The following SRBD1 variants were observed in gnomAD, a reference collection of about 807,000 sequenced individuals.
The protein encoded by SRBD1 is S1 RNA-binding domain-containing protein 1.
Under a neutral mutation model 115.3 loss-of-function variants are expected in SRBD1, and 88 were observed. The observed-to-expected ratio is 0.76, with a 90% confidence interval of 0.64 to 0.91. SRBD1 has a LOEUF of 0.91. Among genes scored for constraint, SRBD1 ranks in the 40% least tolerant of loss-of-function variants. The pLI, the probability that SRBD1 is intolerant of heterozygous loss-of-function variation, is 0.00. For missense variants in SRBD1, 1,385 were observed against 1,177.4 expected, an observed-to-expected ratio of 1.18 and a Z score of -2.58; for synonymous variants, 509 against 407.7, an observed-to-expected ratio of 1.25 and a Z score of -2.99.
At chr2:45,524,369 TCA>T (rs995627894) in intron 14 of SRBD1, among the ~76,000 whole-genome samples, 3 of 152,058 alleles carry the variant, frequency 2.0e-5, no homozygotes, top group African/African-American at 7.2e-5. Flanking sequence ...TGATCTCTAT[TCA>T]CAGATAACAT....
chr2:45,555,562 C>A (rs560065720), intron 10 of SRBD1, among the ~76,000 whole-genome samples: 10 of 149,742 alleles, frequency 6.7e-5, no homozygotes, highest in African/African-American at 2.2e-4. Flanking sequence ...GCGATCCCGG[C>A]CCACTGCAAC....
At chr2:45,463,271 T>TA (rs1669380868) in intron 16 of SRBD1, among the ~76,000 whole-genome samples, 1 of 152,212 alleles carries the variant, frequency 6.6e-6, no homozygotes, top group Admixed American at 6.5e-5. Flanking sequence ...TCAACTCTTA[T>TA]ACCTTAGGCC....
intron 19 of SRBD1, among the ~76,000 whole-genome samples, chr2:45,397,592 A>T (rs1271013383): frequency 6.6e-6 from 1 of 152,168 alleles, no homozygotes. Context: ...CATTTTAATC[A>T]TCACTGAGGA....
chr2:45,396,259 T>C (rs1383258745), intron 19 of SRBD1, among the ~76,000 whole-genome samples: 1 of 152,170 alleles, frequency 6.6e-6, no homozygotes, highest in South Asian at 2.1e-4. Flanking sequence ...AAGTGCTATA[T>C]TTGGTTAGGA....
chr2:45,555,648 G>A (rs887458038), intron 10 of SRBD1, among the ~76,000 whole-genome samples: 37 of 151,818 alleles, frequency 2.4e-4, no homozygotes, highest in Middle Eastern at 3.4e-3. Flanking sequence ...CACCATACCC[G>A]GCTAATTTTT....
chr2:45,476,741 A>C (rs138686198), intron 16 of SRBD1, among the ~76,000 whole-genome samples: 24 of 152,322 alleles, frequency 1.6e-4, no homozygotes, highest in African/African-American at 5.5e-4. Flanking sequence ...TATTAGTTTC[A>C]TCTAGTGTTT....
At chr2:45,540,912 C>A (rs541309695) in intron 14 of SRBD1, among the ~76,000 whole-genome samples, 2 of 152,346 alleles carry the variant, frequency 1.3e-5, no homozygotes, top group South Asian at 2.1e-4. Flanking sequence ...TACAGAGAAA[C>A]TAGTGTTACG....
chr2:45,534,737 C>T, intron 14 of SRBD1, among the ~76,000 whole-genome samples: 1 of 151,894 alleles, frequency 6.6e-6, no homozygotes, highest in East Asian at 1.9e-4. Flanking sequence ...ACATCTTTTC[C>T]TCCATATAAA....
chr2:45,461,396 G>A (rs1048437918), intron 16 of SRBD1, among the ~76,000 whole-genome samples: 2 of 152,160 alleles, frequency 1.3e-5, no homozygotes, highest in Non-Finnish European at 2.9e-5. Flanking sequence ...AAGATGACCT[G>A]TTTTCACTCT....
intron 9 of SRBD1, 138 bp from the exon 10 acceptor site, chr2:45,562,894 C>A: frequency 1.9e-6 from 1 of 528,810 alleles, no homozygotes; most frequent in South Asian, 3.1e-5. Context: ...CATTTACTTA[C>A]ACTTTTTTCA....
At chr2:45,461,252 G>C (rs562949694) in intron 16 of SRBD1, among the ~76,000 whole-genome samples, 1 of 152,304 alleles carries the variant, frequency 6.6e-6, no homozygotes, top group South Asian at 2.1e-4. Context: ...ATGGAGACTT[G>C]TAATGTTCCA....
intron 18 of SRBD1, among the ~76,000 whole-genome samples, chr2:45,414,985 T>C (rs62650651): frequency 0.15 from 8,948 of 60,480 alleles, 1,768 homozygotes; most frequent in African/African-American, 0.22. Flanking sequence ...ATAGTATGTA[T>C]ATACACACAT....
intron 11 of SRBD1, 28 bp downstream of exon 11, chr2:45,553,595 A>C: frequency 6.9e-7 from 1 of 1,459,504 alleles, no homozygotes; most frequent in East Asian, 2.3e-5. Flanking sequence ...TAATCAGTAC[A>C]CAAAATTAAA....
chr2:45,601,772 C>G (rs1047122860), intron 3 of SRBD1, 131 bp downstream of exon 3: 4 of 1,212,706 alleles, frequency 3.3e-6, no homozygotes. Context: ...AAATTAAGAC[C>G]CAGGGTAGGG....
intron 16 of SRBD1, among the ~76,000 whole-genome samples, chr2:45,451,199 G>C (rs1668981802): frequency 6.6e-6 from 1 of 151,914 alleles, no homozygotes; most frequent in South Asian, 2.1e-4. Flanking sequence ...TCATAGTCTT[G>C]GACTATTTTT....
chr2:45,580,010 C>A lies in SRBD1; in HGVS notation c.937G>T (p.Ala313Ser). The change falls in exon 7 of 21, where the codon GCT (alanine) becomes TCT (serine). Residue 313 changes from alanine (A) to serine (S), a missense_variant. Ala to Ser is a moderately conservative substitution (Grantham distance 99). Coordinates refer to ENST00000263736, the MANE Select transcript of SRBD1 (RefSeq NM_018079.5). ...KTFEELEHVS[A>S]PYKTGSKGTK... ...CCTTTGCTTCCAGTTTTATATGGAG[C>A]AGACTAGAAAATAAAGACAGAAAAC... 6.5e-7 allele frequency: 1 copy of A among 1,540,604 alleles called. No homozygotes were observed.
In SRBD1 at chr2:45,392,951, G is replaced by T; in HGVS notation, c.2692C>A (p.Arg898=). 1 of 1,602,002 alleles carries T rather than the reference G, an allele frequency of 6.2e-7. No individual in the cohort carries two copies. Among genetic ancestry groups the T allele is most frequent in the Non-Finnish European group, 8.5e-7 (1 of 1,173,762 alleles). The change falls in exon 20 of 21, where the codon CGA becomes AGA. Residue 898 remains arginine (R), a synonymous_variant. Coordinates refer to ENST00000263736, the MANE Select transcript of SRBD1 (RefSeq NM_018079.5). The part of the protein sequence containing the change: ...GLSQPESFDF[R]TDFDKPDFKR... ...TTCAAGTTCAACTGTTTACCTGTTC[G>T]AAAGTCAAAGCTTTCAGGCTGGCTG... is the stretch of plus-strand genomic sequence containing the variant.
chr2:45,521,394 C>T (rs1323719425), intron 14 of SRBD1, among the ~76,000 whole-genome samples: 1 of 151,510 alleles, frequency 6.6e-6, no homozygotes, highest in African/African-American at 2.4e-5. Flanking sequence ...CCAATAAGCA[C>T]ATTAAAAGAT....
intron 14 of SRBD1, among the ~76,000 whole-genome samples, chr2:45,543,727 G>T (rs1226018251): frequency 6.6e-6 from 1 of 152,092 alleles, no homozygotes; most frequent in African/African-American, 2.4e-5. Context: ...TTAGATATCT[G>T]CATCATTTAA....
Sources: gnomAD v4.1 joint callset for allele counts (sites outside exome capture counted in the v4.1 genomes callset) on GRCh38, gnomAD v4.1.1 for gene constraint, MANE v1.5 for transcripts, NCBI Gene and HGNC (gene_info 2026-07-23, HGNC 2026-07-21) for gene names.